Variants in CNTLN observed in about 807,000 individuals in gnomAD.
The protein encoded by CNTLN is centlein, centrosomal protein.
A neutral mutation model predicts 180.0 loss-of-function variants in CNTLN; 212 were observed. The ratio of observed to expected loss-of-function variants is 1.18; its 90% CI spans 1.05 to 1.32. CNTLN has a LOEUF of 1.32. Among genes scored for constraint, CNTLN ranks in the 40% most tolerant of loss-of-function variants. The pLI is 0.00. For synonymous variants in CNTLN, 722 were observed against 563.1 expected (o/e 1.28, Z -3.99); for missense variants, 2,095 against 1,610.9 (o/e 1.30, Z -5.14).
intron 25 of CNTLN, among the ~76,000 whole-genome samples, chr9:17,498,480 G>A (rs942033960): frequency 6.6e-6 from 1 of 152,178 alleles, no homozygotes; most frequent in African/African-American, 2.4e-5. Flanking sequence ...GATCCCTCCA[G>A]TAATGGAAAT....
At chr9:17,143,459 A>G in intron 2 of CNTLN, 83 bp downstream of exon 2, 1 of 960,140 alleles carries the variant, frequency 1.0e-6, no homozygotes, top group Non-Finnish European at 1.6e-6. Flanking sequence ...ACTTATCATT[A>G]ATCTCCTAAA....
At chr9:17,393,729 A>C (rs188372594) in intron 14 of CNTLN, among the ~76,000 whole-genome samples, 1 of 152,200 alleles carries the variant, frequency 6.6e-6, no homozygotes, top group Non-Finnish European at 1.5e-5. Context: ...ACTTATTATT[A>C]ATAAGATCTA....
At chr9:17,218,027 G>C (rs1823879701) in intron 2 of CNTLN, among the ~76,000 whole-genome samples, 2 of 152,078 alleles carry the variant, frequency 1.3e-5, no homozygotes, top group African/African-American at 4.8e-5. Context: ...ATAATTTACA[G>C]ATTCAGATTC....
At chr9:17,401,029 T>C (rs1826932617) in intron 15 of CNTLN, among the ~76,000 whole-genome samples, 1 of 152,238 alleles carries the variant, frequency 6.6e-6, no homozygotes, top group Non-Finnish European at 1.5e-5. Context: ...TGATCCTCAT[T>C]GAAGTCCTGA....
At chr9:17,280,690 C>T (rs1366660225) in intron 6 of CNTLN, among the ~76,000 whole-genome samples, 1 of 152,200 alleles carries the variant, frequency 6.6e-6, no homozygotes, top group Non-Finnish European at 1.5e-5. Flanking sequence ...AACTGAGAAA[C>T]TGTGCCCTAG....
chr9:17,446,154 ATAAAT>A (rs1238295060), intron 18 of CNTLN, among the ~76,000 whole-genome samples: 5 of 152,126 alleles, frequency 3.3e-5, no homozygotes, highest in African/African-American at 1.2e-4. Context: ...CGAATGATGA[ATAAAT>A]ACTAAGGGAA....
At chr9:17,159,207 A>T (rs886847552) in intron 2 of CNTLN, among the ~76,000 whole-genome samples, 1 of 152,164 alleles carries the variant, frequency 6.6e-6, no homozygotes, top group East Asian at 1.9e-4. Context: ...ATGGCCAAGC[A>T]TATGGTCTAT....
At chr9:17,236,688 C>A (rs1825165778) in intron 5 of CNTLN, 100 bp downstream of exon 5, 2 of 879,562 alleles carry the variant, frequency 2.3e-6, no homozygotes, top group African/African-American at 1.7e-5. Flanking sequence ...ATATTCATAT[C>A]CACCAGTGGG....
At chr9:17,407,166 G>C (rs961035646) in intron 15 of CNTLN, among the ~76,000 whole-genome samples, 3 of 152,148 alleles carry the variant, frequency 2.0e-5, no homozygotes, top group African/African-American at 7.2e-5. Context: ...GAACCCAAAT[G>C]ATATGAGAAT....
At chr9:17,442,656 C>A (rs7872910) in intron 18 of CNTLN, among the ~76,000 whole-genome samples, 1 of 152,080 alleles carries the variant, frequency 6.6e-6, no homozygotes, top group East Asian at 1.9e-4. Flanking sequence ...GCCTTGGCCT[C>A]TTAAAGTGCT....
chr9:17,344,289 A>G (rs1821709619), intron 12 of CNTLN, among the ~76,000 whole-genome samples: 1 of 152,214 alleles, frequency 6.6e-6, no homozygotes, highest in Non-Finnish European at 1.5e-5. Context: ...ATGCCGTGTC[A>G]TTCTTAAAGT....
At chr9:17,166,397 T>C (rs572068667) in intron 2 of CNTLN, among the ~76,000 whole-genome samples, 2 of 152,146 alleles carry the variant, frequency 1.3e-5, no homozygotes, top group East Asian at 3.9e-4. Flanking sequence ...TAACAGTCAT[T>C]AATAGGAATT....
At position 17,259,700 on chromosome 9, in the gene CNTLN, T is replaced by C. The variant is rs1278708106; in HGVS notation, c.850-14033T>C. ...GACTCAGCTTCTTCCTGGTTTAGTC[T>C]TGGGAGAGTGTATGTGTCGAGGAAT... On this transcript the variant is annotated intron_variant, in intron 5 of 25. Transcript: ENST00000380647. Among the ~76,000 whole-genome samples, 5 of 151,008 alleles carry C rather than the reference T, an allele frequency of 3.3e-5. No individual in the cohort carries two copies. In the East Asian group the frequency reaches 9.7e-4, roughly 29 times the overall value.
rs139184575 is a variant in CNTLN at position 17,320,848 on chromosome 9, G to A, written c.1342-9784G>A. On this transcript the variant is annotated intron_variant, in intron 8 of 25. Transcript: ENST00000380647. ...TGATCCCTGATTGTTTCCTCAGGAT[G>A]AATTATTAACACTAGAATTACTTTG... Among the ~76,000 whole-genome samples, 676 of 152,232 alleles carry A rather than the reference G, an allele frequency of 4.4e-3. 3 individuals are homozygous for A. The highest frequency in any genetic ancestry group is 0.015 in the African/African-American group (630 of 41,538).
chr9:17,376,528 T>G (rs1824781280), intron 13 of CNTLN, among the ~76,000 whole-genome samples: 1 of 151,968 alleles, frequency 6.6e-6, no homozygotes, highest in African/African-American at 2.4e-5. Context: ...CTCGTCTCAC[T>G]GCAAGCTCCG....
At chr9:17,447,609 C>G (rs993819321) in intron 18 of CNTLN, 2 of 153,068 alleles carry the variant, frequency 1.3e-5, no homozygotes, top group African/African-American at 2.4e-5. Flanking sequence ...GCTGAAAAAA[C>G]TGAATCAAAT....
intron 5 of CNTLN, among the ~76,000 whole-genome samples, chr9:17,244,802 C>G (rs1032237929): frequency 3.3e-5 from 5 of 151,710 alleles, no homozygotes; most frequent in African/African-American, 7.3e-5. Context: ...TTTTTGTATC[C>G]ATTGTATGTG....
chr9:17,272,063 T>G (rs1827988268), intron 5 of CNTLN, among the ~76,000 whole-genome samples: 1 of 141,318 alleles, frequency 7.1e-6, no homozygotes, highest in African/African-American at 2.6e-5. Flanking sequence ...TCCTCTCTCT[T>G]TCCTTTCTGT....
At chr9:17,144,449 C>A (rs117652804) in intron 2 of CNTLN, among the ~76,000 whole-genome samples, 1 of 152,170 alleles carries the variant, frequency 6.6e-6, no homozygotes, top group African/African-American at 2.4e-5. Context: ...TCTAGAGAAG[C>A]CTTGGGACTT....
Sources: allele counts gnomAD v4.1 joint callset (sites outside exome capture counted in the v4.1 genomes callset), GRCh38; gene constraint gnomAD v4.1.1; transcripts MANE v1.5; gene names NCBI Gene and HGNC (gene_info 2026-07-23, HGNC 2026-07-21).